SPRY3: variants seen among roughly 807,000 people sequenced by gnomAD.
The protein encoded by SPRY3 is sprouty RTK signaling antagonist 3, also known as protein sprouty homolog 3.
In SPRY3, 15 loss-of-function variants were observed where a neutral mutation model predicts 20.2. The ratio of observed to expected loss-of-function variants is 0.74; its 90% confidence interval spans 0.50 to 1.14. SPRY3 has a LOEUF of 1.14. SPRY3 is among the 50% of genes most tolerant of loss of function. SPRY3 has a pLI of 0.00. For synonymous variants in SPRY3, 143 were observed against 136.5 expected (o/e 1.05, Z -0.33); for missense variants, 364 against 363.9 (o/e 1.00, Z 0.00).
intron 1 of SPRY3, among the ~76,000 whole-genome samples, chrX:155,638,293 AATATATATATATATATATATATATAT>A (rs55937159): frequency 1.1e-4 from 6 of 53,436 alleles, no homozygotes; most frequent in African/African-American, 5.9e-4. Flanking sequence ...TGCCTCCTCT[AATATATATATATATATATATATATAT>A]ATATATATAT....
intron 1 of SPRY3, among the ~76,000 whole-genome samples, chrX:155,651,531 A>T (rs1302146787): frequency 1.8e-5 from 2 of 111,615 alleles, no homozygotes; most frequent in Non-Finnish European, 3.8e-5. Flanking sequence ...TTTCCTAATT[A>T]TTGAATTTTG....
intron 2 of SPRY3, among the ~76,000 whole-genome samples, chrX:155,761,638 A>T (rs5940572): frequency 0.34 from 50,899 of 151,750 alleles, 9,919 homozygotes; most frequent in African/African-American, 0.54. Flanking sequence ...ACTGCTTTCC[A>T]AAGTAGTTGA....
intron 2 of SPRY3, among the ~76,000 whole-genome samples, chrX:155,762,257 A>C (rs1437041344): frequency 1.3e-5 from 2 of 152,172 alleles, no homozygotes; most frequent in Non-Finnish European, 2.9e-5. Context: ...AATCACAGTA[A>C]ACAGTACTTT....
chrX:155,774,001 C>T, exon 4 of SPRY3: 1 of 1,613,968 alleles, frequency 6.2e-7, no homozygotes, highest in Non-Finnish European at 8.5e-7. Context: ...CAGCCCTTCC[C>T]TTATTGTGCA....
At chrX:155,676,222 G>A (rs993543093) in intron 2 of SPRY3, among the ~76,000 whole-genome samples, 7 of 110,937 alleles carry the variant, frequency 6.3e-5, no homozygotes, top group African/African-American at 2.3e-4. Flanking sequence ...AACTTACTGA[G>A]TAAACTATAT....
chrX:155,627,823 C>T (rs5940546), intron 1 of SPRY3, among the ~76,000 whole-genome samples: 3 of 108,327 alleles, frequency 2.8e-5, no homozygotes, highest in Non-Finnish European at 3.8e-5. Context: ...TCCCACCCCC[C>T]AACAGGCCCG....
At chrX:155,659,123 C>A (rs907768154) in intron 2 of SPRY3, among the ~76,000 whole-genome samples, 1 of 98,661 alleles carries the variant, frequency 1.0e-5, no homozygotes, top group Non-Finnish European at 2.0e-5. Flanking sequence ...TTCTTTCTTT[C>A]TTTCTTTCTT....
At chrX:155,714,426 C>A (rs772254187) in intron 2 of SPRY3, among the ~76,000 whole-genome samples, 1 of 152,156 alleles carries the variant, frequency 6.6e-6, no homozygotes, top group Non-Finnish European at 1.5e-5. Context: ...CATAGAGGTA[C>A]CACCGTGGTG....
chrX:155,745,548 T>A (rs1056581537), intron 2 of SPRY3, among the ~76,000 whole-genome samples: 12 of 152,010 alleles, frequency 7.9e-5, no homozygotes, highest in African/African-American at 2.7e-4. Context: ...ATACCTGGCC[T>A]TGTCTTCCAA....
chrX:155,767,280 C>T (rs959047651), intron 2 of SPRY3, among the ~76,000 whole-genome samples: 7 of 151,806 alleles, frequency 4.6e-5, no homozygotes, highest in Non-Finnish European at 7.4e-5. Context: ...CCTTCTTTCC[C>T]ATCCTCCCCT....
chrX:155,724,946 G>C (rs1388119196), intron 2 of SPRY3, among the ~76,000 whole-genome samples: 2 of 152,116 alleles, frequency 1.3e-5, no homozygotes, highest in Non-Finnish European at 2.9e-5. Context: ...TATGATATTG[G>C]CTATGGGTTT....
intron 2 of SPRY3, among the ~76,000 whole-genome samples, chrX:155,723,592 T>C (rs903446054): frequency 6.6e-6 from 1 of 152,232 alleles, no homozygotes; most frequent in South Asian, 2.1e-4. Context: ...TTTTGAGAAG[T>C]ATCTGTTCAT....
intron 2 of SPRY3, among the ~76,000 whole-genome samples, chrX:155,713,141 G>A (rs1234783151): frequency 3.3e-5 from 5 of 151,728 alleles, no homozygotes; most frequent in Non-Finnish European, 5.9e-5. Flanking sequence ...CATGTAGAAC[G>A]TGCAGGTTTG....
intron 2 of SPRY3, among the ~76,000 whole-genome samples, chrX:155,725,904 TGATGTTAG>T (rs2091094021): frequency 6.6e-6 from 1 of 152,214 alleles, no homozygotes; most frequent in Non-Finnish European, 1.5e-5. Context: ...CTTTTAATTG[TGATGTTAG>T]GATGTCAATT....
chrX:155,750,171 T>C, intron 2 of SPRY3, among the ~76,000 whole-genome samples: 1 of 151,760 alleles, frequency 6.6e-6, no homozygotes, highest in African/African-American at 2.4e-5. Flanking sequence ...AGCAAACTAA[T>C]GCAGGAACAG....
At chrX:155,716,769 A>G (rs1405750266) in intron 2 of SPRY3, among the ~76,000 whole-genome samples, 2 of 151,434 alleles carry the variant, frequency 1.3e-5, no homozygotes, top group Admixed American at 1.3e-4. Context: ...TGGTCAGCAA[A>G]TGATTCGACA....
chrX:155,678,189 A>G (rs1435835418), intron 2 of SPRY3, among the ~76,000 whole-genome samples: 1 of 111,525 alleles, frequency 9.0e-6, no homozygotes, highest in Non-Finnish European at 1.9e-5. Flanking sequence ...TCTAGACTGA[A>G]TGGGCTTGTT....
chrX:155,651,750 T>C (rs1373035384), intron 1 of SPRY3, among the ~76,000 whole-genome samples: 1 of 112,003 alleles, frequency 8.9e-6, no homozygotes, highest in Non-Finnish European at 1.9e-5. Flanking sequence ...ATTTATGGGG[T>C]ACATGAGATG....
chrX:155,714,963 C>G (rs113147559), intron 2 of SPRY3, among the ~76,000 whole-genome samples: 164 of 152,200 alleles, frequency 1.1e-3, no homozygotes, highest in African/African-American at 3.9e-3. Flanking sequence ...TGGGACTCAT[C>G]TTTCAGGGCA....
Sources: allele counts gnomAD v4.1 joint callset (sites outside exome capture counted in the v4.1 genomes callset), GRCh38; gene constraint gnomAD v4.1.1; transcripts MANE v1.5; gene names NCBI Gene and HGNC (gene_info 2026-07-23, HGNC 2026-07-21).